Variants in CFAP77 observed in about 807,000 individuals in gnomAD.
The protein encoded by CFAP77 is cilia and flagella associated protein 77.
A neutral mutation model predicts 31.1 loss-of-function variants in CFAP77; 25 were observed. The ratio of observed to expected loss-of-function variants is 0.80; its 90% CI spans 0.59 to 1.12. CFAP77 has a LOEUF of 1.12. Ranked by LOEUF, CFAP77 falls within the 50% of genes most tolerant of loss-of-function variation. The pLI is 0.00. For synonymous variants in CFAP77, 151 were observed against 159.9 expected (o/e 0.94, Z 0.42); for missense variants, 377 against 397.3 (o/e 0.95, Z 0.44).
At chr9:132,419,462 G>A (rs1850170292) in intron 1 of CFAP77, among the ~76,000 whole-genome samples, 1 of 152,184 alleles carries the variant, frequency 6.6e-6, no homozygotes, top group African/African-American at 2.4e-5. Context: ...CAAAGATGGG[G>A]CACCCAAAAA....
At chr9:132,423,016 G>A (rs752125301) in intron 1 of CFAP77, among the ~76,000 whole-genome samples, 6 of 152,188 alleles carry the variant, frequency 3.9e-5, no homozygotes, top group Non-Finnish European at 5.9e-5. Context: ...TCACCAAGTC[G>A]TTCAAGGGAA....
At chr9:132,510,531 C>T (rs1368340364) in intron 3 of CFAP77, among the ~76,000 whole-genome samples, 1 of 152,238 alleles carries the variant, frequency 6.6e-6, no homozygotes, top group African/African-American at 2.4e-5. Flanking sequence ...AACCAGGCAT[C>T]AAGCCCAACA....
intron 1 of CFAP77, chr9:132,482,345 T>C (rs1851463979): frequency 1.1e-5 from 17 of 1,614,024 alleles, no homozygotes; most frequent in Non-Finnish European, 1.4e-5. Context: ...CCTCTTATTC[T>C]GTTTATGACT....
At chr9:132,457,492 T>C (rs1224500540) in intron 1 of CFAP77, among the ~76,000 whole-genome samples, 1 of 152,266 alleles carries the variant, frequency 6.6e-6, no homozygotes, top group Non-Finnish European at 1.5e-5. Flanking sequence ...CACTTTGATC[T>C]ATTCGTTTTC....
rs368333884 is a variant in CFAP77 at position 132,520,296 on chromosome 9, T to C, written c.525-17305T>C. Among the ~76,000 whole-genome samples, 3 of 152,286 alleles carry C rather than the reference T, an allele frequency of 2.0e-5. No homozygotes were observed. The South Asian group carries it at 6.2e-4, about 32-fold the overall frequency. On this transcript the variant is annotated intron_variant, in intron 3 of 5. Transcript: ENST00000393216. ...AATTTCCAGACAATACAATGATCCA[T>C]GCACAATTTGATGAGTTTTGACAAA...
chr9:132,475,661 T>C (rs1013255650), intron 1 of CFAP77, among the ~76,000 whole-genome samples: 33 of 152,148 alleles, frequency 2.2e-4, no homozygotes, highest in African/African-American at 8.0e-4. Context: ...CCAATCAGCT[T>C]TGAAGATATT....
chr9:132,488,699 G>A (rs1851603988), intron 1 of CFAP77, among the ~76,000 whole-genome samples: 1 of 152,224 alleles, frequency 6.6e-6, no homozygotes, highest in Non-Finnish European at 1.5e-5. Flanking sequence ...TAGTTCTCAT[G>A]GCGACAGGCT....
At chr9:132,473,904 A>G (rs1241464243) in intron 1 of CFAP77, among the ~76,000 whole-genome samples, 2 of 152,162 alleles carry the variant, frequency 1.3e-5, no homozygotes, top group Admixed American at 1.3e-4. Flanking sequence ...GCTGGTCTCA[A>G]ACTCCTGACT....
chr9:132,419,334 A>G (rs1850167233), intron 1 of CFAP77, among the ~76,000 whole-genome samples: 1 of 152,180 alleles, frequency 6.6e-6, no homozygotes, highest in South Asian at 2.1e-4. Flanking sequence ...CATTAGTGAG[A>G]GGACACACCG....
At chr9:132,432,849 G>C (rs1468591651) in intron 1 of CFAP77, among the ~76,000 whole-genome samples, 1 of 152,064 alleles carries the variant, frequency 6.6e-6, no homozygotes, top group Admixed American at 6.6e-5. Flanking sequence ...GAGTAGCTGG[G>C]ACTACAGGCA....
Position 132,539,147 on chromosome 9 carries a change from G to A in CFAP77, c.630+1441G>A, listed in dbSNP as rs1371106743. Among the ~76,000 whole-genome samples the A allele has an allele frequency of 6.6e-6, 1 of 152,150 alleles. No homozygotes were observed. The highest frequency in any genetic ancestry group is 2.4e-5 in the African/African-American group (1 of 41,446). On this transcript the variant is annotated intron_variant, in intron 4 of 5. Coordinates refer to ENST00000393216, the MANE Select transcript of CFAP77 (RefSeq NM_001282957.2). The surrounding 1 kb of genome is among the most constrained non-coding windows in gnomAD (Gnocchi z 4.3). Reference sequence around the variant, plus strand: ...AATAGTACTTCCTTTAAAATATTCTGAAACTCGAGCTTTCAGAGAGATCAG... The same window carrying A: ...AATAGTACTTCCTTTAAAATATTCTAAAACTCGAGCTTTCAGAGAGATCAG...
chr9:132,546,830 C>T (rs1852740100), intron 5 of CFAP77, among the ~76,000 whole-genome samples: 1 of 152,226 alleles, frequency 6.6e-6, no homozygotes. Context: ...TATGCCTGGG[C>T]TCTCTCTCCA....
chr9:132,419,566 T>C (rs778922875), intron 1 of CFAP77, among the ~76,000 whole-genome samples: 1 of 152,230 alleles, frequency 6.6e-6, no homozygotes, highest in Non-Finnish European at 1.5e-5. Flanking sequence ...TACTGGACAA[T>C]AGTGAATTTG....
intron 1 of CFAP77, among the ~76,000 whole-genome samples, chr9:132,484,099 G>A (rs928377274): frequency 9.2e-5 from 14 of 151,864 alleles, no homozygotes; most frequent in Admixed American, 8.5e-4. Flanking sequence ...ACCACACCCG[G>A]CTAATTTTTT....
intron 1 of CFAP77, among the ~76,000 whole-genome samples, chr9:132,478,742 C>A (rs1208587391): frequency 6.6e-6 from 1 of 152,186 alleles, no homozygotes; most frequent in Non-Finnish European, 1.5e-5. Context: ...CCTTTAAAAC[C>A]AAAATGATGG....
rs1851766279 is a variant in CFAP77 at position 132,497,630 on chromosome 9, C to T, written c.196-1065C>T. Among the ~76,000 whole-genome samples, 1 of 152,166 alleles carries T rather than the reference C, an allele frequency of 6.6e-6. No homozygotes were observed. The highest frequency in any genetic ancestry group is 6.5e-5 in the Admixed American group (1 of 15,292). On this transcript the variant is annotated intron_variant, in intron 1 of 5. Coordinates refer to ENST00000393216, the MANE Select transcript of CFAP77 (RefSeq NM_001282957.2). The surrounding 1 kb of genome is among the most constrained non-coding windows in gnomAD (Gnocchi z 4.9). ...GCCAGCCTGGGTTCCAGTCCCAGCT[C>T]TGCCACTTCCTACTGCTTGACCTGA... is the stretch of plus-strand genomic sequence containing the variant.
Position 132,511,585 on chromosome 9 carries a change from C to T in CFAP77, c.524+11985C>T, listed in dbSNP as rs1852040357. 6.6e-6 allele frequency among the ~76,000 whole-genome samples: 1 copy of T among 152,190 alleles called. No homozygotes were observed. The highest frequency in any genetic ancestry group is 6.5e-5 in the Admixed American group (1 of 15,286). Reference sequence around the variant, plus strand: ...ACAGATTGCTCAAATGCAGTGCGTCCTGGATTTTGGGAACAGGCACTATTC... The same window carrying T: ...ACAGATTGCTCAAATGCAGTGCGTCTTGGATTTTGGGAACAGGCACTATTC... On this transcript the variant is annotated intron_variant, in intron 3 of 5. Coordinates refer to ENST00000393216, the MANE Select transcript of CFAP77 (RefSeq NM_001282957.2). The surrounding 1 kb of genome is among the most constrained non-coding windows in gnomAD (Gnocchi z 5.8).
intron 5 of CFAP77, among the ~76,000 whole-genome samples, chr9:132,557,066 C>T (rs1164697121): frequency 6.6e-6 from 1 of 152,188 alleles, no homozygotes; most frequent in Non-Finnish European, 1.5e-5. Flanking sequence ...TTTAGTGTTT[C>T]TCATTATTTT....
intron 1 of CFAP77, among the ~76,000 whole-genome samples, chr9:132,470,543 A>G (rs954675568): frequency 1.3e-5 from 2 of 152,202 alleles, no homozygotes; most frequent in African/African-American, 4.8e-5. Flanking sequence ...CCTGGGCAGT[A>G]GGGTCCTGAA....
Sources: allele counts gnomAD v4.1 joint callset (sites outside exome capture counted in the v4.1 genomes callset), GRCh38; gene constraint gnomAD v4.1.1; non-coding constraint Gnocchi (gnomAD v3.1); transcripts MANE v1.5; gene names NCBI Gene and HGNC (gene_info 2026-07-23, HGNC 2026-07-21).